Variants in AMER1 observed in about 807,000 individuals in gnomAD.
AMER1 encodes APC membrane recruitment protein 1.
Under a neutral mutation model 53.0 loss-of-function variants are expected in AMER1, and 16 were observed. The ratio of observed to expected loss-of-function variants is 0.30; its 90% CI spans 0.20 to 0.46. AMER1 has a LOEUF of 0.46. Ranked by LOEUF, AMER1 falls within the 20% of genes least tolerant of loss-of-function variation. The pLI, the probability that AMER1 is intolerant of heterozygous loss-of-function variation, is 1.00. For missense variants in AMER1, 947 were observed against 884.9 expected, an observed-to-expected ratio of 1.07 and a Z score of -0.89; for synonymous variants, 354 against 331.9, an observed-to-expected ratio of 1.07 and a Z score of -0.73.
intron 1 of AMER1, among the ~76,000 whole-genome samples, chrX:64,198,883 C>A (rs1440850263): frequency 8.9e-6 from 1 of 112,416 alleles, no homozygotes; most frequent in Non-Finnish European, 1.9e-5. Flanking sequence ...GAGAAACCTG[C>A]CAACGTGGAC....
In AMER1 at chrX:64,188,049, G is replaced by T; in HGVS notation, c.*1830C>A. On this transcript the variant is annotated 3_prime_UTR_variant, in exon 2 of 2. Coordinates refer to ENST00000374869, the MANE Select transcript of AMER1 (RefSeq NM_152424.4). Reference sequence around the variant, plus strand: ...AAGGGCACTGGGCCAACCCCAATCTGAGAAATGGTGACAAAGACCAGCATG... The same window carrying T: ...AAGGGCACTGGGCCAACCCCAATCTTAGAAATGGTGACAAAGACCAGCATG... The T allele has an allele frequency of 1.3e-6, 1 of 782,871 alleles. No individual in the cohort carries two copies. Among genetic ancestry groups the T allele is most frequent in the Non-Finnish European group, 1.5e-6 (1 of 656,527 alleles). The allele number at this position is 782,871 out of a possible 1,213,427, so 64.5% of individuals were successfully genotyped here. A position where few individuals can be genotyped will look rare whatever the true frequency, so the allele number is the denominator to read the frequency against.
chrX:64,200,214 C>A (rs772079363), intron 1 of AMER1, among the ~76,000 whole-genome samples: 1 of 112,487 alleles, frequency 8.9e-6, no homozygotes, highest in Admixed American at 9.3e-5. Flanking sequence ...CCAGCTAGAG[C>A]GAGATCAGAC....
chrX:64,189,793 A>AGGGG lies in AMER1; in HGVS notation c.*85_*86insCCCC. 21 of 291,944 alleles carry AGGGG rather than the reference A, an allele frequency of 7.2e-5. No individual in the cohort carries two copies. Among genetic ancestry groups the AGGGG allele is most frequent in the East Asian group, 3.4e-4 (2 of 5,955 alleles). The allele number at this position is 291,944 out of a possible 1,213,427, so 24.1% of individuals were successfully genotyped here. A position where few individuals can be genotyped will look rare whatever the true frequency, so the allele number is the denominator to read the frequency against. On this transcript the variant is annotated 3_prime_UTR_variant, in exon 2 of 2. Coordinates refer to ENST00000374869, the MANE Select transcript of AMER1 (RefSeq NM_152424.4). The stretch of plus-strand genomic sequence containing the variant: ...CAAAGGGTTTTCAAGTTAAACAACA[A>AGGGG]CCCCCACCCCCCCACCCTTCTGCCC...
chrX:64,203,404 G>A (rs974088656), intron 1 of AMER1, among the ~76,000 whole-genome samples: 2 of 111,554 alleles, frequency 1.8e-5, no homozygotes, highest in Non-Finnish European at 3.8e-5. Context: ...AAGTCCTTCC[G>A]GAACAATCAT....
intron 1 of AMER1, among the ~76,000 whole-genome samples, chrX:64,196,071 A>G (rs1290047007): frequency 8.9e-6 from 1 of 112,300 alleles, no homozygotes; most frequent in Non-Finnish European, 1.9e-5. Context: ...CCCAGTTAGA[A>G]GACAGTCTCT....
Position 64,189,792 on chromosome X carries a change from A to AGGGGGGCCCCCCCCCCCCCCCC in AMER1, c.*86_*87insGGGGGGGGGGGGGGGGCCCCCC. 1.3e-6 allele frequency: 1 copy of AGGGGGGCCCCCCCCCCCCCCCC among 746,978 alleles called. No homozygotes were observed. The highest frequency in any genetic ancestry group is 1.7e-6 in the Non-Finnish European group (1 of 590,433). 61.6% of individuals were successfully genotyped at this position (746,978 alleles called of 1,213,427 possible). A position where few individuals can be genotyped will look rare whatever the true frequency, so the allele number is the denominator to read the frequency against. ...CCAAAGGGTTTTCAAGTTAAACAAC[A>AGGGGGGCCCCCCCCCCCCCCCC]ACCCCCACCCCCCCACCCTTCTGCC... On this transcript the variant is annotated 3_prime_UTR_variant, in exon 2 of 2. Transcript: ENST00000374869.
At position 64,185,948 on chromosome X, in the gene AMER1, TCAA is replaced by T. The variant is rs757149563; in HGVS notation, c.*3928_*3930del. 1,783 of 430,907 alleles carry T rather than the reference TCAA, an allele frequency of 4.1e-3. 38 individuals carry two copies. The highest frequency in any genetic ancestry group is 0.041 in the African/African-American group (1,617 of 39,814). The allele number at this position is 430,907 out of a possible 1,213,427, so 35.5% of individuals were successfully genotyped here. On this transcript the variant is annotated 3_prime_UTR_variant, in exon 2 of 2. Transcript: ENST00000374869. ...TCCCAAAATGCTCCTTTGGAGAAACTCAACAAGACAAATAGCACAACATGGGCA... is the reference window on the plus strand; with the variant it reads ...TCCCAAAATGCTCCTTTGGAGAAACTCAAGACAAATAGCACAACATGGGCA...
At position 64,187,738 on chromosome X, in the gene AMER1, G is replaced by A. The variant is rs771910658; in HGVS notation, c.*2141C>T. 4.5e-4 allele frequency: 350 copies of A among 774,030 alleles called. No individual in the cohort carries two copies. The highest frequency in any genetic ancestry group is 5.1e-4 in the Non-Finnish European group (330 of 651,379). 63.8% of individuals were successfully genotyped at this position (774,030 alleles called of 1,213,427 possible). A position where few individuals can be genotyped will look rare whatever the true frequency, so the allele number is the denominator to read the frequency against. On this transcript the variant is annotated 3_prime_UTR_variant, in exon 2 of 2. Coordinates refer to ENST00000374869, the MANE Select transcript of AMER1 (RefSeq NM_152424.4). ...GTGTTTACTTCCTGCCAAATAGCCAGGCCAATTTCAGCCCCACCATCCCAG... is the reference window on the plus strand; with the variant it reads ...GTGTTTACTTCCTGCCAAATAGCCAAGCCAATTTCAGCCCCACCATCCCAG...
At position 64,187,740 on chromosome X, in the gene AMER1, C is replaced by A; in HGVS notation, c.*2139G>T. ...GTTTACTTCCTGCCAAATAGCCAGGCCAATTTCAGCCCCACCATCCCAGAG... is the reference window on the plus strand; with the variant it reads ...GTTTACTTCCTGCCAAATAGCCAGGACAATTTCAGCCCCACCATCCCAGAG... On this transcript the variant is annotated 3_prime_UTR_variant, in exon 2 of 2. Transcript: ENST00000374869. 5 of 775,517 alleles carry A rather than the reference C, an allele frequency of 6.4e-6. No individual in the cohort carries two copies. The highest frequency in any genetic ancestry group is 7.7e-6 in the Non-Finnish European group (5 of 651,525). 63.9% of individuals were successfully genotyped at this position (775,517 alleles called of 1,213,427 possible).
Position 64,192,794 on chromosome X carries a change from G to A in AMER1, c.493C>T (p.Pro165Ser), listed in dbSNP as rs771383753. The change falls in exon 2 of 2, where the codon CCA becomes TCA. Residue 165 changes from proline (P) to serine (S), a missense_variant. Coordinates refer to ENST00000374869, the MANE Select transcript of AMER1 (RefSeq NM_152424.4). ...VAEKFPSMPKPKKGLKGFFSS... is the reference protein window; with the variant it reads ...VAEKFPSMPKSKKGLKGFFSS... ...AAAAAGCCTTTTAGGCCTTTCTTTG[G>A]CTTGGGCATAGAGGGAAACTTCTCA... The A allele has an allele frequency of 2.5e-6, 3 of 1,211,056 alleles. No homozygotes were observed. The highest frequency in any genetic ancestry group is 5.9e-5 in the East Asian group (2 of 33,807).
At chrX:64,200,567 G>A (rs986309364) in intron 1 of AMER1, among the ~76,000 whole-genome samples, 2 of 111,978 alleles carry the variant, frequency 1.8e-5, no homozygotes, top group Non-Finnish European at 3.8e-5. Flanking sequence ...ATAGAAATGG[G>A]AGATTGGACC....
At chrX:64,203,043 C>A (rs752455686) in intron 1 of AMER1, among the ~76,000 whole-genome samples, 2 of 111,709 alleles carry the variant, frequency 1.8e-5, no homozygotes, top group Non-Finnish European at 3.8e-5. Context: ...TCTGCTTATG[C>A]TTTGCCTACT....
intron 1 of AMER1, among the ~76,000 whole-genome samples, chrX:64,200,243 A>AC (rs1407863287): frequency 7.2e-5 from 8 of 111,599 alleles, no homozygotes; most frequent in Non-Finnish European, 1.1e-4. Context: ...ACCCTTCCCC[A>AC]CCCCCCGTTC....
intron 1 of AMER1, among the ~76,000 whole-genome samples, chrX:64,200,243 AC>A (rs1407863287): frequency 9.0e-6 from 1 of 111,550 alleles, no homozygotes; most frequent in Non-Finnish European, 1.9e-5. Context: ...ACCCTTCCCC[AC>A]CCCCCGTTCA....
At position 64,189,552 on chromosome X, in the gene AMER1, ATAT is replaced by A. The variant is rs1930192946; in HGVS notation, c.*324_*326del. On this transcript the variant is annotated 3_prime_UTR_variant, in exon 2 of 2. Coordinates refer to ENST00000374869, the MANE Select transcript of AMER1 (RefSeq NM_152424.4). Reference sequence around the variant, plus strand: ...TATATATATATATATATATATATATATATATAATCACTAACTTGGCAACTGGAA... The same window carrying A: ...TATATATATATATATATATATATATAATAATCACTAACTTGGCAACTGGAA... 5.2e-6 allele frequency: 1 copy of A among 190,999 alleles called. No homozygotes were observed. The highest frequency in any genetic ancestry group is 7.3e-6 in the Non-Finnish European group (1 of 137,508). The allele number at this position is 190,999 out of a possible 1,213,427, so 15.7% of individuals were successfully genotyped here.
intron 1 of AMER1, among the ~76,000 whole-genome samples, chrX:64,204,288 A>C (rs1930549356): frequency 8.8e-6 from 1 of 113,657 alleles, no homozygotes; most frequent in South Asian, 3.5e-4. Context: ...GCAGAGCCGC[A>C]GAGGAAGATG....
Position 64,193,008 on chromosome X carries a change from G to A in AMER1, c.279C>T (p.Ser93=), listed in dbSNP as rs1215225426. 8.3e-7 allele frequency: 1 copy of A among 1,211,917 alleles called. No homozygotes were observed. The part of the protein sequence containing the change: ...KGSSKKGLSK[S]KTHDGLSEAA... ...CTTCACTCAGGCCATCGTGGGTCTTGCTCTTGCTGAGACCTTTCTTGGAGC... is the reference window on the plus strand; with the variant it reads ...CTTCACTCAGGCCATCGTGGGTCTTACTCTTGCTGAGACCTTTCTTGGAGC... The change falls in exon 2 of 2, where the codon AGC becomes AGT. Residue 93 remains serine (S), a synonymous_variant. Transcript: ENST00000374869.
chrX:64,186,373 A>T lies in AMER1; in HGVS notation c.*3506T>A, dbSNP rs1569190499. On this transcript the variant is annotated 3_prime_UTR_variant, in exon 2 of 2. Transcript: ENST00000374869. ...AATCAGAAAAGAACAATTGATAAAC[A>T]TTGTTTTCCATGAATATAAAATGCA... 2 of 895,548 alleles carry T rather than the reference A, an allele frequency of 2.2e-6. No individual in the cohort carries two copies. Among genetic ancestry groups the T allele is most frequent in the Non-Finnish European group, 2.8e-6 (2 of 720,460 alleles). 73.8% of individuals were successfully genotyped at this position (895,548 alleles called of 1,213,427 possible). A position where few individuals can be genotyped will look rare whatever the true frequency, so the allele number is the denominator to read the frequency against.
In AMER1 at chrX:64,192,467, G is replaced by A. The variant is rs746852073; in HGVS notation, c.820C>T (p.Pro274Ser). Residue 274 changes from proline to serine, a missense_variant, in exon 2 of 2, where the codon CCT (proline) becomes TCT (serine). By Grantham distance (74) the Pro-to-Ser change is moderately conservative (BLOSUM62 -1). Coordinates refer to ENST00000374869, the MANE Select transcript of AMER1 (RefSeq NM_152424.4). ...ACASAHVQPK[P>S]APEASSLEEP... ...TCTAGGCTACTGGCTTCAGGGGCAG[G>A]CTTGGGTTGCACATGTGCTGAGGCA... 1 of 1,203,689 alleles carries A rather than the reference G, an allele frequency of 8.3e-7. No homozygotes were observed. The highest frequency in any genetic ancestry group is 3.0e-5 in the East Asian group (1 of 33,816).
Sources: gnomAD v4.1 joint callset for allele counts (sites outside exome capture counted in the v4.1 genomes callset) on GRCh38, gnomAD v4.1.1 for gene constraint, MANE v1.5 for transcripts, NCBI Gene and HGNC (gene_info 2026-07-23, HGNC 2026-07-21) for gene names.